The following FAM32A variants were observed in gnomAD, a reference collection of about 807,000 sequenced individuals.
FAM32A encodes the protein protein FAM32A.
A neutral mutation model predicts 15.8 loss-of-function variants in FAM32A; 9 were observed. The observed-to-expected ratio is 0.57, with a 90% CI of 0.34 to 1.00. The LOEUF (loss-of-function observed/expected upper bound fraction) is 1.00. Ranked by LOEUF, FAM32A falls within the 50% of genes least tolerant of loss-of-function variation. The pLI is 0.02. For synonymous variants in FAM32A, 64 were observed against 54.9 expected, an observed-to-expected ratio of 1.16 and a Z score of -0.73; for missense variants, 113 against 138.3, an observed-to-expected ratio of 0.82 and a Z score of 0.92.
At chr19:16,187,947 T>C (rs1170424227) in intron 2 of FAM32A, among the ~76,000 whole-genome samples, 1 of 150,136 alleles carries the variant, frequency 6.7e-6, no homozygotes, top group Non-Finnish European at 1.5e-5. Context: ...GGTTTCACCA[T>C]GTTGGCCAGG....
At chr19:16,186,159 G>A in intron 2 of FAM32A, 1 of 214,270 alleles carries the variant, frequency 4.7e-6, no homozygotes, top group Non-Finnish European at 9.4e-6. Flanking sequence ...TTGGGAACTT[G>A]AGAGGAAGTC....
rs776013122 is a variant in FAM32A at position 16,185,622 on chromosome 19, A to G, written c.75-2A>G. 1.9e-6 allele frequency: 3 copies of G among 1,599,926 alleles called. No homozygotes were observed. The highest frequency in any genetic ancestry group is 2.2e-5 in the East Asian group (1 of 44,668). ...CCGCCGCCTCCTCATGTCTTTTTCC[A>G]GGAAGAAGAAAAAGAAGGACAAAGA... On this transcript the variant is annotated splice_acceptor_variant, in intron 1 of 3. Transcript: ENST00000263384. LOFTEE classifies it high-confidence loss of function.
chr19:16,185,808 C>T (rs2091383604), intron 2 of FAM32A, 43 bp downstream of exon 2: 1 of 1,535,976 alleles, frequency 6.5e-7, no homozygotes, highest in Non-Finnish European at 8.8e-7. Flanking sequence ...GAACACCCGG[C>T]GCCGGGAGAC....
At chr19:16,188,597 A>G (rs1417393901) in intron 2 of FAM32A, among the ~76,000 whole-genome samples, 2 of 152,220 alleles carry the variant, frequency 1.3e-5, no homozygotes, top group Non-Finnish European at 2.9e-5. Context: ...CAAAAACTAA[A>G]ATAGTAGCTG....
At position 16,188,015 on chromosome 19, in the gene FAM32A, G is replaced by A. The variant is rs146782293; in HGVS notation, c.216+2250G>A. Among the ~76,000 whole-genome samples the A allele has an allele frequency of 3.9e-3, 588 of 152,280 alleles. 7 individuals are homozygous for A. The highest frequency in any genetic ancestry group is 0.012 in the African/African-American group (514 of 41,548). The stretch of plus-strand genomic sequence containing the variant: ...CCCGCCTCAGCCTCCCAAAGTGCTG[G>A]GATTACAGGCGTGAACCACCATGCC... On this transcript the variant is annotated intron_variant, in intron 2 of 3. Transcript: ENST00000263384.
In FAM32A at chr19:16,191,648, A is replaced by G. The variant is rs1378336284; in HGVS notation, c.*693A>G. 6.6e-6 allele frequency: 1 copy of G among 152,490 alleles called. No individual in the cohort carries two copies. Among genetic ancestry groups the G allele is most frequent in the Non-Finnish European group, 1.5e-5 (1 of 68,234 alleles). The allele number at this position is 152,490 out of a possible 1,614,324, so 9.4% of individuals were successfully genotyped here. A position where few individuals can be genotyped will look rare whatever the true frequency, so the allele number is the denominator to read the frequency against. ...GCAGACGCTGCTAATGCATCACAGC[A>G]TTCTTTGAAATGGAACCAGACACAG... On this transcript the variant is annotated 3_prime_UTR_variant, in exon 4 of 4. Transcript: ENST00000263384.
chr19:16,191,044 A>C lies in FAM32A; in HGVS notation c.*89A>C, dbSNP rs1182358900. The stretch of plus-strand genomic sequence containing the variant: ...GTTTCCTTTGGTATATTCTGGAAAC[A>C]TGGCTACACACACCCTTGCATCTTC... On this transcript the variant is annotated 3_prime_UTR_variant, in exon 4 of 4. Coordinates refer to ENST00000263384, the MANE Select transcript of FAM32A (RefSeq NM_014077.4). 7.2e-6 allele frequency: 7 copies of C among 975,812 alleles called. No homozygotes were observed. Among genetic ancestry groups the C allele is most frequent in the Non-Finnish European group, 1.2e-5 (7 of 607,468 alleles). The allele number at this position is 975,812 out of a possible 1,614,324, so 60.4% of individuals were successfully genotyped here.
Position 16,190,996 on chromosome 19 carries a change from A to AC in FAM32A, c.*41_*42insC. On this transcript the variant is annotated 3_prime_UTR_variant, in exon 4 of 4. Transcript: ENST00000263384. ...ATGGAGCAGCATCGAGGGTTCGCAAAAGGCCACACTGGGGTTGTGTGTGTT... is the reference window on the plus strand; with the variant it reads ...ATGGAGCAGCATCGAGGGTTCGCAAACAGGCCACACTGGGGTTGTGTGTGTT... 1 of 1,462,314 alleles carries AC rather than the reference A, an allele frequency of 6.8e-7. No individual in the cohort carries two copies. The highest frequency in any genetic ancestry group is 9.6e-7 in the Non-Finnish European group (1 of 1,041,674). The allele number at this position is 1,462,314 out of a possible 1,614,324, so 90.6% of individuals were successfully genotyped here. A position where few individuals can be genotyped will look rare whatever the true frequency, so the allele number is the denominator to read the frequency against.
rs202245873 is a variant in FAM32A at position 16,190,541 on chromosome 19, A to G, written c.238A>G (p.Lys80Glu). 3.1e-6 allele frequency: 5 copies of G among 1,612,984 alleles called. No homozygotes were observed. Among genetic ancestry groups the G allele is most frequent in the Non-Finnish European group, 4.2e-6 (5 of 1,179,324 alleles). ...EKRQMERILK[K>E]ASKTHKQRVE... ...CCAGCAAATGGAAAGGATCCTAAAGAAGGCATCCAAAACCCACAAGCAGAG... is the reference window on the plus strand; with the variant it reads ...CCAGCAAATGGAAAGGATCCTAAAGGAGGCATCCAAAACCCACAAGCAGAG... The change falls in exon 3 of 4, where the codon AAG becomes GAG. Residue 80 changes from lysine (K) to glutamate (E), a missense_variant. This residue lies in a region of FAM32A where 112 missense variants were observed against 118.6 expected (regional missense o/e 0.94). Transcript: ENST00000263384.
intron 2 of FAM32A, among the ~76,000 whole-genome samples, chr19:16,188,613 C>CA (rs1353016190): frequency 6.6e-6 from 1 of 152,234 alleles, no homozygotes; most frequent in African/African-American, 2.4e-5. Context: ...AGCTGGGTGT[C>CA]ACGCCTGTGG....
At position 16,190,895 on chromosome 19, in the gene FAM32A, C is replaced by T. The variant is rs1433513580; in HGVS notation, c.279C>T (p.Asn93=). 3.7e-6 allele frequency: 6 copies of T among 1,614,064 alleles called. No homozygotes were observed. Among genetic ancestry groups the T allele is most frequent in the Middle Eastern group, 1.7e-4 (1 of 6,060 alleles). The change falls in exon 4 of 4, where the codon AAC becomes AAT. Residue 93 remains asparagine, a synonymous_variant. Coordinates refer to ENST00000263384, the MANE Select transcript of FAM32A (RefSeq NM_014077.4). The stretch of plus-strand genomic sequence containing the variant: ...CTACTCCACCTCCCCAGGACTTCAA[C>T]AGACACCTGGACACACTCACGGAGC... ...KTHKQRVEDF[N]RHLDTLTEHY...
In FAM32A at chr19:16,190,760, G is replaced by A; in HGVS notation, c.271-127G>A. ...TTCAGGAGTCTGTAAGACCTGGCAG[G>A]GTGAGTTTGAGAGGAGGGGGCTCAG... On this transcript the variant is annotated intron_variant, in intron 3 of 3. Transcript: ENST00000263384. 3 of 919,494 alleles carry A rather than the reference G, an allele frequency of 3.3e-6. No individual in the cohort carries two copies. The South Asian group carries it at 4.1e-5, about 13-fold the overall frequency. 57.0% of individuals were successfully genotyped at this position (919,494 alleles called of 1,614,324 possible).
Position 16,185,625 on chromosome 19 carries a change from A to G in FAM32A, c.76A>G (p.Lys26Glu). 1 of 1,599,414 alleles carries G rather than the reference A, an allele frequency of 6.3e-7. No homozygotes were observed. The highest frequency in any genetic ancestry group is 2.2e-5 in the East Asian group (1 of 44,662). Residue 26 changes from lysine to glutamate, a missense_variant and splice_region_variant, in exon 2 of 4, where the codon AAG becomes GAG. Physicochemically the swap from Lys to Glu is moderately conservative, Grantham distance 56. Coordinates refer to ENST00000263384, the MANE Select transcript of FAM32A (RefSeq NM_014077.4). Reference protein sequence around the residue: ...GVAELGVTKRKKKKKDKDKAK... With the variant: ...GVAELGVTKREKKKKDKDKAK... ...CCGCCTCCTCATGTCTTTTTCCAGG[A>G]AGAAGAAAAAGAAGGACAAAGACAA... is the stretch of plus-strand genomic sequence containing the variant.
intron 3 of FAM32A, 38 bp from the exon 4 acceptor site, chr19:16,190,849 G>T (rs755088587): frequency 1.3e-6 from 2 of 1,571,632 alleles, no homozygotes; most frequent in Non-Finnish European, 1.8e-6. Context: ...CCCCACTTGG[G>T]TCTGCGCTGA....
At chr19:16,189,610 A>C (rs2091398005) in intron 2 of FAM32A, 1 of 148,120 alleles carries the variant, frequency 6.8e-6, no homozygotes, top group African/African-American at 2.5e-5. Context: ...CCCAGCCAGG[A>C]AGTGTGGAGC....
intron 2 of FAM32A, chr19:16,186,631 C>G (rs760903015): frequency 8.6e-6 from 1 of 116,782 alleles, no homozygotes; most frequent in Non-Finnish European, 1.8e-5. Flanking sequence ...TATAAGGCTC[C>G]GATAAATTAT....
At chr19:16,187,112 G>A (rs2091388925) in intron 2 of FAM32A, among the ~76,000 whole-genome samples, 2 of 152,142 alleles carry the variant, frequency 1.3e-5, no homozygotes, top group Non-Finnish European at 2.9e-5. Context: ...ACAGACCTGA[G>A]TTTGACTCTG....
chr19:16,191,189 G>T lies in FAM32A; in HGVS notation c.*234G>T. 1.9e-6 allele frequency: 1 copy of T among 520,494 alleles called. No homozygotes were observed. The highest frequency in any genetic ancestry group is 2.1e-5 in the South Asian group (1 of 48,006). 32.2% of individuals were successfully genotyped at this position (520,494 alleles called of 1,614,324 possible). ...TACAGAAGATACACCCTTTTCGTTTGGATGGAAAGTTTCTAAGTTTATCCA... is the reference window on the plus strand; with the variant it reads ...TACAGAAGATACACCCTTTTCGTTTTGATGGAAAGTTTCTAAGTTTATCCA... On this transcript the variant is annotated 3_prime_UTR_variant, in exon 4 of 4. Coordinates refer to ENST00000263384, the MANE Select transcript of FAM32A (RefSeq NM_014077.4).
At chr19:16,190,459 C>T (rs1022156523) in intron 2 of FAM32A, 61 bp from the exon 3 acceptor site, 15 of 1,240,938 alleles carry the variant, frequency 1.2e-5, no homozygotes, top group Admixed American at 1.2e-4. Context: ...ATCTTCCACC[C>T]CATGCCAGCC....
Sources: gnomAD v4.1 joint callset for allele counts (sites outside exome capture counted in the v4.1 genomes callset) on GRCh38, gnomAD v4.1.1 for gene constraint, gnomAD v4.1.1 regional missense constraint, MANE v1.5 for transcripts, NCBI Gene and HGNC (gene_info 2026-07-23, HGNC 2026-07-21) for gene names.